Variants in CNOT1 observed in about 807,000 individuals in gnomAD.
CNOT1 encodes CCR4-associated factor 1.
A neutral mutation model predicts 273.8 loss-of-function variants in CNOT1; 15 were observed. The observed-to-expected ratio is 0.05, with a 90% CI of 0.04 to 0.08. CNOT1 has a LOEUF of 0.08. Among genes scored for constraint, CNOT1 ranks in the 10% least tolerant of loss-of-function variants. CNOT1 has a pLI of 1.00. For synonymous variants in CNOT1, 1,022 were observed against 1,005.5 expected (o/e 1.02, Z -0.31); for missense variants, 1,644 against 2,912.2 (o/e 0.56, Z 10.02).
intron 1 of CNOT1, among the ~76,000 whole-genome samples, chr16:58,620,767 C>A (rs2043281799): frequency 6.6e-6 from 1 of 150,400 alleles, no homozygotes; most frequent in African/African-American, 2.4e-5. Context: ...GGAATCAACA[C>A]TTATAATTCC....
chr16:58,576,590 G>A lies in CNOT1; in HGVS notation c.1585-8C>T, dbSNP rs769511201. 73 of 1,613,870 alleles carry A rather than the reference G, an allele frequency of 4.5e-5. No individual in the cohort carries two copies. The African/African-American group carries it at 8.4e-4, about 19-fold the overall frequency. ...AATTGAGGGAGACTGTCCCTAAAAA[G>A]GGGAAGAAAGATTAAATAGCAATAC... On this transcript the variant is annotated splice_polypyrimidine_tract_variant and splice_region_variant and intron_variant, in intron 13 of 48. Coordinates refer to ENST00000317147, the MANE Select transcript of CNOT1 (RefSeq NM_016284.5).
chr16:58,574,956 T>C, intron 15 of CNOT1, 51 bp downstream of exon 15: 1 of 1,602,758 alleles, frequency 6.2e-7, no homozygotes, highest in Non-Finnish European at 8.5e-7. Flanking sequence ...TTGATAGCCA[T>C]TTTAGCCACC....
At position 58,520,927 on chromosome 16, in the gene CNOT1, A is replaced by G. The variant is rs1389288333; in HGVS notation, c.*31T>C. 1 of 1,605,040 alleles carries G rather than the reference A, an allele frequency of 6.2e-7. No individual in the cohort carries two copies. Among genetic ancestry groups the G allele is most frequent in the Non-Finnish European group, 8.5e-7 (1 of 1,175,612 alleles). On this transcript the variant is annotated 3_prime_UTR_variant, in exon 49 of 49. Coordinates refer to ENST00000317147, the MANE Select transcript of CNOT1 (RefSeq NM_016284.5). ...GAACTCGGTGCAGTGAGACCTCTAGACTGACACGTACAACAGAGATGCAGT... is the reference window on the plus strand; with the variant it reads ...GAACTCGGTGCAGTGAGACCTCTAGGCTGACACGTACAACAGAGATGCAGT...
At chr16:58,533,113 T>A (rs965970819) in intron 40 of CNOT1, 1 of 152,310 alleles carries the variant, frequency 6.6e-6, no homozygotes, top group Non-Finnish European at 1.5e-5. Context: ...TCTCTTTTTG[T>A]ATTTCGGTTA....
intron 1 of CNOT1, among the ~76,000 whole-genome samples, chr16:58,606,510 G>T (rs936369033): frequency 6.6e-6 from 1 of 152,122 alleles, no homozygotes; most frequent in African/African-American, 2.4e-5. Flanking sequence ...TGAGTGTAAA[G>T]ATTATCTTCA....
chr16:58,578,577 A>T lies in CNOT1; in HGVS notation c.1584+122T>A, dbSNP rs1053829918. 3.5e-6 allele frequency: 5 copies of T among 1,445,818 alleles called. No homozygotes were observed. In the African/African-American group the frequency reaches 5.7e-5, roughly 17 times the overall value. The allele number at this position is 1,445,818 out of a possible 1,614,324, so 89.6% of individuals were successfully genotyped here. Reference sequence around the variant, plus strand: ...ATAAAACAAGTTTTATGACAGTATGACTTTTAAAGTCATAATAATTCAGAG... The same window carrying T: ...ATAAAACAAGTTTTATGACAGTATGTCTTTTAAAGTCATAATAATTCAGAG... On this transcript the variant is annotated intron_variant, in intron 13 of 48. Coordinates refer to ENST00000317147, the MANE Select transcript of CNOT1 (RefSeq NM_016284.5).
rs2040280971 is a variant in CNOT1 at position 58,547,068 on chromosome 16, G to A, written c.3750+118C>T. The A allele has an allele frequency of 1.5e-6, 2 of 1,369,556 alleles. No homozygotes were observed. Among genetic ancestry groups the A allele is most frequent in the Non-Finnish European group, 1.9e-6 (2 of 1,026,638 alleles). The allele number at this position is 1,369,556 out of a possible 1,614,324, so 84.8% of individuals were successfully genotyped here. A position where few individuals can be genotyped will look rare whatever the true frequency, so the allele number is the denominator to read the frequency against. On this transcript the variant is annotated intron_variant, in intron 27 of 48. Transcript: ENST00000317147. The surrounding 1 kb of genome is among the most constrained non-coding windows in gnomAD (Gnocchi z 4.0). ...AATTGGAAATCCAAGTGCCATAGAG[G>A]AAAACAGACTTAACTAGCTTTACCT...
intron 17 of CNOT1, 108 bp downstream of exon 17, chr16:58,560,104 C>A: frequency 6.5e-7 from 1 of 1,534,242 alleles, no homozygotes. Context: ...GCTAGACATG[C>A]AGTTATCTAA....
chr16:58,562,948 A>T (rs947275867), intron 16 of CNOT1, among the ~76,000 whole-genome samples: 1 of 152,214 alleles, frequency 6.6e-6, no homozygotes, highest in Non-Finnish European at 1.5e-5. Context: ...AAGCTGTTTC[A>T]CATTTGGGGG....
At chr16:58,611,558 C>T (rs1348133008) in intron 1 of CNOT1, among the ~76,000 whole-genome samples, 6 of 152,276 alleles carry the variant, frequency 3.9e-5, no homozygotes, top group Non-Finnish European at 7.4e-5. Context: ...CAGTGGCTCA[C>T]GCCTGTAATC....
At chr16:58,550,097 G>A (rs1242352166) in intron 24 of CNOT1, among the ~76,000 whole-genome samples, 199 bp from the exon 25 acceptor site, 5 of 152,274 alleles carry the variant, frequency 3.3e-5, no homozygotes, top group South Asian at 2.1e-4. Flanking sequence ...CAACCCATAC[G>A]TGATTGGGAC....
intron 25 of CNOT1, among the ~76,000 whole-genome samples, chr16:58,548,254 C>T (rs2040324945): frequency 6.6e-6 from 1 of 152,120 alleles, no homozygotes; most frequent in Non-Finnish European, 1.5e-5. Context: ...CTAAAAAACC[C>T]AAACCATTTA....
At chr16:58,564,293 C>T (rs955664196) in intron 16 of CNOT1, among the ~76,000 whole-genome samples, 1 of 151,994 alleles carries the variant, frequency 6.6e-6, no homozygotes, top group African/African-American at 2.4e-5. Flanking sequence ...GACTTTAAAA[C>T]CACACCTATA....
In CNOT1 at chr16:58,520,666, G is replaced by C; in HGVS notation, c.*292C>G. ...TATGTACTTGCCTTGGACACAGCTTGCACAAAGCCAAGAAGTTCCAGACAA... is the reference window on the plus strand; with the variant it reads ...TATGTACTTGCCTTGGACACAGCTTCCACAAAGCCAAGAAGTTCCAGACAA... On this transcript the variant is annotated 3_prime_UTR_variant, in exon 49 of 49. Coordinates refer to ENST00000317147, the MANE Select transcript of CNOT1 (RefSeq NM_016284.5). 1 of 420,664 alleles carries C rather than the reference G, an allele frequency of 2.4e-6. No homozygotes were observed. Among genetic ancestry groups the C allele is most frequent in the South Asian group, 2.8e-5 (1 of 35,848 alleles). The allele number at this position is 420,664 out of a possible 1,614,324, so 26.1% of individuals were successfully genotyped here. A position where few individuals can be genotyped will look rare whatever the true frequency, so the allele number is the denominator to read the frequency against.
intron 8 of CNOT1, among the ~76,000 whole-genome samples, chr16:58,584,560 G>A (rs188339439): frequency 1.3e-5 from 2 of 152,080 alleles, no homozygotes; most frequent in African/African-American, 4.8e-5. Flanking sequence ...TTGAACTCCT[G>A]ACATCAGGTG....
At position 58,614,506 on chromosome 16, in the gene CNOT1, G is replaced by C. The variant is rs1443666768; in HGVS notation, c.-174-14995C>G. ...CACCAATAATAACAATAGGCACTGA[G>C]TTTCTAGCAAAAGCTTCCCTGCTAG... On this transcript the variant is annotated intron_variant, in intron 1 of 48. Transcript: ENST00000317147. Among the ~76,000 whole-genome samples, 5 of 124,942 alleles carry C rather than the reference G, an allele frequency of 4.0e-5. 2 individuals are homozygous for C. Among genetic ancestry groups the C allele is most frequent in the Non-Finnish European group, 9.5e-5 (5 of 52,502 alleles). The allele number at this position is 124,942 out of a possible 152,430, so 82.0% of individuals were successfully genotyped here.
chr16:58,525,672 G>A (rs1177166496), intron 45 of CNOT1, among the ~76,000 whole-genome samples: 1 of 152,196 alleles, frequency 6.6e-6, no homozygotes, highest in East Asian at 1.9e-4. Flanking sequence ...GGCATATACA[G>A]ACTGTAAATA....
rs572742837 is a variant in CNOT1 at position 58,521,749 on chromosome 16, C to T, written c.6918-432G>A. 4.6e-5 allele frequency among the ~76,000 whole-genome samples: 7 copies of T among 151,880 alleles called. No homozygotes were observed. In the South Asian group the frequency reaches 1.2e-3, roughly 27 times the overall value. The stretch of plus-strand genomic sequence containing the variant: ...GGTGGATCACCTGAGGTCAGGAGTT[C>T]GAGACCAGCCTGGCCAACATGGTGA... On this transcript the variant is annotated intron_variant, in intron 47 of 48. Coordinates refer to ENST00000317147, the MANE Select transcript of CNOT1 (RefSeq NM_016284.5).
intron 42 of CNOT1, among the ~76,000 whole-genome samples, chr16:58,531,365 G>C (rs2039773594): frequency 1.3e-5 from 2 of 152,188 alleles, no homozygotes; most frequent in African/African-American, 2.4e-5. Context: ...TTCCAAGATG[G>C]GAGGAAAAAA....
Sources: allele counts gnomAD v4.1 joint callset (sites outside exome capture counted in the v4.1 genomes callset), GRCh38; gene constraint gnomAD v4.1.1; non-coding constraint Gnocchi (gnomAD v3.1); transcripts MANE v1.5; gene names NCBI Gene and HGNC (gene_info 2026-07-23, HGNC 2026-07-21).